NEXMIF: variants seen among roughly 807,000 people sequenced by gnomAD.
NEXMIF encodes the protein neurite extension and migration factor, also known as XLMR protein related to neurite extension.
Under a neutral mutation model 62.1 loss-of-function variants are expected in NEXMIF, and 8 were observed. The ratio of observed to expected loss-of-function variants is 0.13; its 90% CI spans 0.08 to 0.23. The LOEUF (loss-of-function observed/expected upper bound fraction) is 0.23. Ranked by LOEUF, NEXMIF falls within the 10% of genes least tolerant of loss-of-function variation. NEXMIF has a pLI of 1.00. For missense variants in NEXMIF, 976 were observed against 1,113.3 expected (o/e 0.88, Z 1.75); for synonymous variants, 404 against 416.6 (o/e 0.97, Z 0.37).
At chrX:74,914,645 C>T (rs2080800816) in intron 1 of NEXMIF, among the ~76,000 whole-genome samples, 1 of 111,968 alleles carries the variant, frequency 8.9e-6, no homozygotes. Context: ...TGTGCCACTG[C>T]ACTCCAGCCT....
At chrX:74,784,557 T>A (rs1404242688) in intron 1 of NEXMIF, among the ~76,000 whole-genome samples, 1 of 110,919 alleles carries the variant, frequency 9.0e-6, no homozygotes, top group African/African-American at 3.3e-5. Context: ...ATATGTATAA[T>A]AATCCCTCAC....
At chrX:74,813,454 G>A (rs769453351) in intron 1 of NEXMIF, among the ~76,000 whole-genome samples, 1 of 112,166 alleles carries the variant, frequency 8.9e-6, no homozygotes, top group Non-Finnish European at 1.9e-5. Flanking sequence ...CCACCAAACA[G>A]AGCCCAGTGC....
intron 1 of NEXMIF, among the ~76,000 whole-genome samples, chrX:74,923,800 A>T (rs1399857945): frequency 8.9e-6 from 1 of 112,447 alleles, no homozygotes; most frequent in Admixed American, 9.3e-5. Context: ...GTCTTTTCAG[A>T]TAACAGTCTA....
intron 1 of NEXMIF, among the ~76,000 whole-genome samples, chrX:74,802,759 T>C (rs974714966): frequency 9.9e-5 from 11 of 110,967 alleles, no homozygotes; most frequent in African/African-American, 3.3e-4. Context: ...TATGTGACGT[T>C]TCACACAGAG....
intron 1 of NEXMIF, among the ~76,000 whole-genome samples, chrX:74,819,004 G>C (rs2080385508): frequency 8.9e-6 from 1 of 111,734 alleles, no homozygotes; most frequent in East Asian, 2.8e-4. Context: ...CAACGGAACA[G>C]AACAGAGGCC....
Position 74,741,142 on chromosome X carries a change from G to A in NEXMIF, c.3415C>T (p.His1139Tyr). The A allele has an allele frequency of 8.3e-7, 1 of 1,210,381 alleles. No individual in the cohort carries two copies. The highest frequency in any genetic ancestry group is 1.1e-6 in the Non-Finnish European group (1 of 894,460). Reference protein sequence around the residue: ...FTLNNHQFQFHMFNDEDSVSL... With the variant: ...FTLNNHQFQFYMFNDEDSVSL... ...ACAGAATCCTCATCATTGAACATAT[G>A]GAACTGAAACTGGTGATTATTTAAA... The change falls in exon 3 of 4, where the codon CAT becomes TAT. Residue 1139 changes from histidine (H) to tyrosine (Y), a missense_variant. His to Tyr is a moderately conservative substitution (Grantham distance 83). Transcript: ENST00000055682.
intron 1 of NEXMIF, among the ~76,000 whole-genome samples, chrX:74,813,904 T>C (rs1392142157): frequency 1.8e-5 from 2 of 111,826 alleles, no homozygotes; most frequent in African/African-American, 3.2e-5. Context: ...TGGCAATATA[T>C]AATACACATG....
chrX:74,879,563 G>T (rs770487828), intron 1 of NEXMIF, among the ~76,000 whole-genome samples: 28 of 112,023 alleles, frequency 2.5e-4, no homozygotes, highest in Non-Finnish European at 4.3e-4. Context: ...TAATATACAA[G>T]AACACCTGGA....
chrX:74,791,187 T>G (rs1206964446), intron 1 of NEXMIF, among the ~76,000 whole-genome samples: 22 of 111,642 alleles, frequency 2.0e-4, no homozygotes, highest in African/African-American at 4.2e-4. Flanking sequence ...TTAGCGTGAA[T>G]GGTTGTTGAA....
In NEXMIF at chrX:74,800,338, C is replaced by A. The variant is rs2080325667; in HGVS notation, c.-47-54641G>T. On this transcript the variant is annotated intron_variant, in intron 1 of 3. Transcript: ENST00000055682. ...TAACTGAAAATAATGCCCTTGCGTGCTGTGAGAACTTTCACAATTGGAAGG... is the reference window on the plus strand; with the variant it reads ...TAACTGAAAATAATGCCCTTGCGTGATGTGAGAACTTTCACAATTGGAAGG... 3.6e-5 allele frequency among the ~76,000 whole-genome samples: 4 copies of A among 111,203 alleles called. No individual in the cohort carries two copies. The South Asian group carries it at 1.1e-3, about 31-fold the overall frequency.
intron 1 of NEXMIF, among the ~76,000 whole-genome samples, chrX:74,923,280 C>G (rs905584904): frequency 2.7e-5 from 3 of 111,700 alleles, no homozygotes; most frequent in African/African-American, 9.8e-5. Context: ...GTTGTTACTG[C>G]TGGGTAAAAT....
chrX:74,773,145 T>C (rs953810964), intron 1 of NEXMIF, among the ~76,000 whole-genome samples: 3 of 111,092 alleles, frequency 2.7e-5, no homozygotes, highest in African/African-American at 9.8e-5. Flanking sequence ...TCTCCCAGAG[T>C]TGGGGACTGG....
chrX:74,744,947 C>CTCTCTCTT (rs1449336254), intron 2 of NEXMIF, among the ~76,000 whole-genome samples: 18 of 103,720 alleles, frequency 1.7e-4, no homozygotes, highest in African/African-American at 5.3e-4. Context: ...CTCTCTCTCT[C>CTCTCTCTT]TCTTCTCTCT....
intron 1 of NEXMIF, among the ~76,000 whole-genome samples, chrX:74,826,234 CATT>C (rs1404101549): frequency 8.9e-6 from 1 of 112,103 alleles, no homozygotes; most frequent in East Asian, 2.8e-4. Flanking sequence ...AATGGCATCT[CATT>C]GTGGTTTTGA....
chrX:74,898,921 G>A (rs2080740622), intron 1 of NEXMIF, among the ~76,000 whole-genome samples: 1 of 111,137 alleles, frequency 9.0e-6, no homozygotes, highest in Admixed American at 9.6e-5. Flanking sequence ...ACTTAATCAA[G>A]GAGAAGAAAG....
intron 1 of NEXMIF, among the ~76,000 whole-genome samples, chrX:74,882,321 C>T (rs1006091833): frequency 8.9e-5 from 10 of 111,855 alleles, no homozygotes; most frequent in Admixed American, 7.6e-4. Flanking sequence ...GTGCAGTGCA[C>T]CGTGCGTGAG....
At chrX:74,825,593 C>T (rs2080413269) in intron 1 of NEXMIF, among the ~76,000 whole-genome samples, 1 of 112,229 alleles carries the variant, frequency 8.9e-6, no homozygotes, top group Non-Finnish European at 1.9e-5. Context: ...TTGCTCTTGT[C>T]GCCCAGGCTG....
chrX:74,880,190 T>G (rs2080657187), intron 1 of NEXMIF, among the ~76,000 whole-genome samples: 2 of 111,953 alleles, frequency 1.8e-5, no homozygotes, highest in African/African-American at 6.5e-5. Context: ...TCACCTTACG[T>G]TACACTTATT....
At chrX:74,885,818 T>C (rs1254094958) in intron 1 of NEXMIF, among the ~76,000 whole-genome samples, 1 of 111,583 alleles carries the variant, frequency 9.0e-6, no homozygotes, top group African/African-American at 3.3e-5. Context: ...ATCATCCTGA[T>C]ACCAAAGCCG....
Sources: allele counts gnomAD v4.1 joint callset (sites outside exome capture counted in the v4.1 genomes callset), GRCh38; gene constraint gnomAD v4.1.1; transcripts MANE v1.5; gene names NCBI Gene and HGNC (gene_info 2026-07-23, HGNC 2026-07-21).